AFG2A: variants seen among roughly 807,000 people sequenced by gnomAD.
The protein encoded by AFG2A is ATPase family gene 2 protein homolog A.
the AFG2A span, among the ~76,000 whole-genome samples, chr4:123,223,640 C>T: frequency 1.3e-5 from 2 of 152,112 alleles, no homozygotes; most frequent in African/African-American, 4.8e-5. Flanking sequence ...ACCACAAGAG[C>T]AGCACCAAGG....
the AFG2A span, among the ~76,000 whole-genome samples, chr4:123,129,169 G>A: frequency 1.3e-5 from 2 of 152,126 alleles, no homozygotes; most frequent in Admixed American, 1.3e-4. Flanking sequence ...TAAGACAAAA[G>A]AGCTAAGTAA....
chr4:122,950,267 C>A, the AFG2A span, among the ~76,000 whole-genome samples: 1 of 152,110 alleles, frequency 6.6e-6, no homozygotes, highest in African/African-American at 2.4e-5. Context: ...GGTGAAAATG[C>A]CAGTGGATAT....
chr4:123,192,126 A>T, the AFG2A span, among the ~76,000 whole-genome samples: 1 of 151,778 alleles, frequency 6.6e-6, no homozygotes, highest in Non-Finnish European at 1.5e-5. Context: ...TCCTGGACTC[A>T]AGCGATTCTC....
At chr4:123,231,505 C>G in the AFG2A span, among the ~76,000 whole-genome samples, 2 of 151,974 alleles carry the variant, frequency 1.3e-5, no homozygotes, top group Admixed American at 1.3e-4. Flanking sequence ...ATCTTTTATC[C>G]AGATCACTCG....
chr4:123,285,350 G>A, the AFG2A span, among the ~76,000 whole-genome samples: 3 of 152,140 alleles, frequency 2.0e-5, 1 homozygote, highest in South Asian at 6.2e-4. Context: ...TGTCCCCCAG[G>A]TTCTGTTTCT....
chr4:123,199,647 T>A, the AFG2A span, among the ~76,000 whole-genome samples: 2 of 151,902 alleles, frequency 1.3e-5, no homozygotes, highest in Admixed American at 6.6e-5. Flanking sequence ...AATTTTTGTA[T>A]TTTTAGTAGA....
chr4:122,957,327 C>T, the AFG2A span, among the ~76,000 whole-genome samples: 1 of 152,254 alleles, frequency 6.6e-6, no homozygotes, highest in South Asian at 2.1e-4. Flanking sequence ...TTGTGAAGTG[C>T]ACTGCATTTT....
At chr4:123,121,284 T>G in the AFG2A span, among the ~76,000 whole-genome samples, 1 of 151,416 alleles carries the variant, frequency 6.6e-6, no homozygotes, top group East Asian at 1.9e-4. Flanking sequence ...ATTTATAAAG[T>G]AAGTTACAGA....
At chr4:123,037,241 T>C in the AFG2A span, among the ~76,000 whole-genome samples, 4 of 151,976 alleles carry the variant, frequency 2.6e-5, no homozygotes, top group Admixed American at 2.6e-4. Context: ...GTGACTGATA[T>C]GATGTAAAAT....
At chr4:123,282,806 G>C in the AFG2A span, among the ~76,000 whole-genome samples, 1 of 148,862 alleles carries the variant, frequency 6.7e-6, no homozygotes, top group Non-Finnish European at 1.5e-5. Flanking sequence ...AAAGAAGCAG[G>C]GGGGAGAAAA....
the AFG2A span, among the ~76,000 whole-genome samples, chr4:123,207,914 G>A: frequency 6.9e-4 from 105 of 152,194 alleles, no homozygotes; most frequent in South Asian, 7.1e-3. Flanking sequence ...CATTTTTTGC[G>A]GAAGTGAGAA....
chr4:123,071,590 A>G, the AFG2A span, among the ~76,000 whole-genome samples: 2 of 152,306 alleles, frequency 1.3e-5, no homozygotes, highest in South Asian at 4.1e-4. Context: ...TTTTACTGGG[A>G]AATCATGGCA....
chr4:123,131,910 A>G, the AFG2A span, among the ~76,000 whole-genome samples: 4 of 54,312 alleles, frequency 7.4e-5, no homozygotes, highest in South Asian at 8.8e-4. Context: ...TATTTTCCAC[A>G]GCAGCTGCAC....
the AFG2A span, among the ~76,000 whole-genome samples, chr4:123,228,260 T>G: frequency 6.6e-6 from 1 of 152,124 alleles, no homozygotes; most frequent in Non-Finnish European, 1.5e-5. Flanking sequence ...GATCCTGTCA[T>G]TATGATGTTA....
chr4:122,999,633 A>G, the AFG2A span, among the ~76,000 whole-genome samples: 1 of 151,790 alleles, frequency 6.6e-6, no homozygotes, highest in Non-Finnish European at 1.5e-5. Context: ...AGGTGGCATT[A>G]TTTCTGAGGG....
the AFG2A span, among the ~76,000 whole-genome samples, chr4:123,021,002 G>A: frequency 1.3e-5 from 2 of 151,936 alleles, no homozygotes; most frequent in Non-Finnish European, 2.9e-5. Context: ...GTCTATCACT[G>A]GCCTTGAGAA....
the AFG2A span, among the ~76,000 whole-genome samples, chr4:122,993,866 A>C: frequency 6.4e-3 from 976 of 152,108 alleles, 14 homozygotes; most frequent in African/African-American, 0.022. Flanking sequence ...TAAAAGTGTT[A>C]AATTTTTAGA....
At chr4:123,221,889 T>C in the AFG2A span, among the ~76,000 whole-genome samples, 3 of 152,088 alleles carry the variant, frequency 2.0e-5, no homozygotes, top group East Asian at 5.8e-4. Context: ...ATTGCGCCAC[T>C]GCATTCCAGC....
chr4:123,103,900 A>G, the AFG2A span, among the ~76,000 whole-genome samples: 1 of 152,190 alleles, frequency 6.6e-6, no homozygotes. Context: ...ATAAAAGACT[A>G]TACACTATAC....
Sources: gnomAD v4.1 joint callset for allele counts (sites outside exome capture counted in the v4.1 genomes callset) on GRCh38, gnomAD v4.1.1 for gene constraint, MANE v1.5 for transcripts, NCBI Gene and HGNC (gene_info 2026-07-23, HGNC 2026-07-21) for gene names.